ARK2N: variants seen among roughly 807,000 people sequenced by gnomAD.
The protein encoded by ARK2N is arkadia (RNF111) N-terminal like PKA signaling regulator 2N.
At chr18:46,231,473 T>G in the ARK2N span, among the ~76,000 whole-genome samples, 1 of 151,968 alleles carries the variant, frequency 6.6e-6, no homozygotes, top group African/African-American at 2.4e-5. Flanking sequence ...CCTAAAGGTA[T>G]GTAAGAAAAT....
At chr18:46,190,870 G>A in the ARK2N span, among the ~76,000 whole-genome samples, 1 of 152,162 alleles carries the variant, frequency 6.6e-6, no homozygotes, top group East Asian at 1.9e-4. Flanking sequence ...TATGACCCTA[G>A]CTCCTATGAG....
chr18:46,174,015 C>G, the ARK2N span: 1 of 152,330 alleles, frequency 6.6e-6, no homozygotes. Context: ...CCGACGCGGG[C>G]TCTGTGTTTC....
chr18:46,220,609 G>T, the ARK2N span, among the ~76,000 whole-genome samples: 5 of 151,860 alleles, frequency 3.3e-5, no homozygotes, highest in African/African-American at 1.2e-4. Flanking sequence ...AATTTGTCTG[G>T]GTATTGCATA....
chr18:46,241,961 C>A, the ARK2N span, among the ~76,000 whole-genome samples: 4,336 of 151,918 alleles, frequency 0.029, 191 homozygotes, highest in African/African-American at 0.099. Context: ...GGATTACAGG[C>A]GCGCACCACC....
the ARK2N span, among the ~76,000 whole-genome samples, chr18:46,220,772 C>T: frequency 1.3e-5 from 2 of 152,146 alleles, no homozygotes; most frequent in Non-Finnish European, 2.9e-5. Context: ...TGCTGTTATA[C>T]GTTCAGGGTA....
At chr18:46,232,159 G>C in the ARK2N span, 3 of 152,168 alleles carry the variant, frequency 2.0e-5, no homozygotes, top group African/African-American at 7.2e-5. Context: ...TGATATTACT[G>C]GTAATTTTTA....
At chr18:46,215,997 T>G in the ARK2N span, 4 of 1,614,014 alleles carry the variant, frequency 2.5e-6, no homozygotes, top group Non-Finnish European at 2.5e-6. Flanking sequence ...AACTGGAATC[T>G]CAAGTTCAGA....
the ARK2N span, chr18:46,263,245 T>C: frequency 1.1e-6 from 1 of 944,756 alleles, no homozygotes; most frequent in Non-Finnish European, 1.5e-6. Flanking sequence ...TTCAAACTCA[T>C]GGAAAATTCC....
At chr18:46,200,247 C>T in the ARK2N span, among the ~76,000 whole-genome samples, 2 of 152,262 alleles carry the variant, frequency 1.3e-5, no homozygotes, top group African/African-American at 2.4e-5. Context: ...GTCATTTATA[C>T]TGAGTTCAGG....
the ARK2N span, among the ~76,000 whole-genome samples, chr18:46,231,082 G>A: frequency 2.6e-5 from 4 of 152,010 alleles, no homozygotes; most frequent in African/African-American, 9.7e-5. Flanking sequence ...TGTACTTTTT[G>A]TACATTATTA....
the ARK2N span, among the ~76,000 whole-genome samples, chr18:46,223,795 C>G: frequency 6.6e-6 from 1 of 152,030 alleles, no homozygotes; most frequent in African/African-American, 2.4e-5. Flanking sequence ...GGAACTTAAT[C>G]TTTCATGAGG....
chr18:46,265,273 C>T, the ARK2N span: 3 of 152,648 alleles, frequency 2.0e-5, no homozygotes, highest in Non-Finnish European at 4.4e-5. Flanking sequence ...ACTGTCAGGG[C>T]AGAGGCCCAT....
At chr18:46,216,380 G>C in the ARK2N span, 1 of 1,614,020 alleles carries the variant, frequency 6.2e-7, no homozygotes, top group Admixed American at 1.7e-5. This position sits in a 1 kb window ranked among gnomAD's most constrained non-coding sequence, Gnocchi z 4.3. Context: ...CAGAATGGCC[G>C]AGTCGCCAAG....
chr18:46,215,924 A>C, the ARK2N span: 2 of 1,613,886 alleles, frequency 1.2e-6, no homozygotes, highest in Non-Finnish European at 1.7e-6. Flanking sequence ...GAACTCATTG[A>C]GTCCGAAGCC....
At chr18:46,265,203 T>C in the ARK2N span, 1 of 152,700 alleles carries the variant, frequency 6.5e-6, no homozygotes, top group Non-Finnish European at 1.5e-5. Context: ...AGGAAATTCA[T>C]AGAGAAGAGA....
At chr18:46,176,546 C>T in the ARK2N span, among the ~76,000 whole-genome samples, 1 of 151,800 alleles carries the variant, frequency 6.6e-6, no homozygotes. Context: ...CCTCAACCTC[C>T]CGAGCTCAAG....
the ARK2N span, among the ~76,000 whole-genome samples, chr18:46,248,434 G>C: frequency 8.5e-5 from 13 of 152,306 alleles, no homozygotes; most frequent in African/African-American, 2.9e-4. Context: ...GCAAAAAATG[G>C]ATGATCCCAG....
the ARK2N span, among the ~76,000 whole-genome samples, chr18:46,204,257 A>G: frequency 6.6e-6 from 1 of 152,136 alleles, no homozygotes; most frequent in Non-Finnish European, 1.5e-5. Context: ...ATACCCTATC[A>G]CTTGATATTG....
chr18:46,197,380 G>A, the ARK2N span, among the ~76,000 whole-genome samples: 2 of 151,972 alleles, frequency 1.3e-5, no homozygotes, highest in Non-Finnish European at 2.9e-5. Context: ...GATTACAGGT[G>A]CCCACCACTA....
Sources: allele counts gnomAD v4.1 joint callset (sites outside exome capture counted in the v4.1 genomes callset), GRCh38; gene constraint gnomAD v4.1.1; non-coding constraint Gnocchi (gnomAD v3.1); transcripts MANE v1.5; gene names NCBI Gene and HGNC (gene_info 2026-07-23, HGNC 2026-07-21).